SGK1: variants seen among roughly 807,000 people sequenced by gnomAD.
SGK1 encodes serum/glucocorticoid regulated kinase 1.
SGK1 carries 26 observed loss-of-function variants against 64.2 expected under a neutral mutation model. That is an observed-to-expected ratio of 0.40 (90% CI 0.30 to 0.56). The LOEUF (loss-of-function observed/expected upper bound fraction) is 0.56. Among genes scored for constraint, SGK1 ranks in the 20% least tolerant of loss-of-function variants. SGK1 has a pLI of 0.38. For missense variants in SGK1, 519 were observed against 645.6 expected, an observed-to-expected ratio of 0.80 and a Z score of 2.12; for synonymous variants, 265 against 239.7, an observed-to-expected ratio of 1.11 and a Z score of -0.98.
intron 3 of SGK1, among the ~76,000 whole-genome samples, chr6:134,195,241 A>G (rs1382195206): frequency 6.6e-6 from 1 of 152,252 alleles, no homozygotes; most frequent in Non-Finnish European, 1.5e-5. Context: ...CTATTGTGAA[A>G]CACTGTTAGT....
At chr6:134,241,634 T>A (rs934583888) in intron 2 of SGK1, among the ~76,000 whole-genome samples, 6 of 152,106 alleles carry the variant, frequency 3.9e-5, no homozygotes, top group African/African-American at 1.4e-4. Context: ...ATTTATTTAT[T>A]TTTTGAGATG....
intron 2 of SGK1, among the ~76,000 whole-genome samples, chr6:134,221,652 A>AT (rs200019836): frequency 3.6e-3 from 523 of 143,648 alleles, no homozygotes; most frequent in African/African-American, 4.3e-3. Flanking sequence ...GGCACATATA[A>AT]TTTTTTTTTT....
chr6:134,229,051 T>C (rs1776236291), intron 2 of SGK1, among the ~76,000 whole-genome samples: 1 of 152,150 alleles, frequency 6.6e-6, no homozygotes, highest in Non-Finnish European at 1.5e-5. Flanking sequence ...CACCGTGGTC[T>C]CGATCTCCTG....
intron 3 of SGK1, among the ~76,000 whole-genome samples, chr6:134,183,763 T>C (rs1249420722): frequency 2.0e-5 from 3 of 152,018 alleles, no homozygotes; most frequent in African/African-American, 7.2e-5. Flanking sequence ...AGAAGGAACT[T>C]CTGGAGGCCC....
chr6:134,247,008 A>AT (rs199615264), intron 2 of SGK1, among the ~76,000 whole-genome samples: 106 of 147,960 alleles, frequency 7.2e-4, no homozygotes, highest in African/African-American at 1.7e-3. Context: ...CCAGTGATTT[A>AT]TTTTTTTTTT....
At chr6:134,257,767 T>A (rs1435083610) in intron 2 of SGK1, among the ~76,000 whole-genome samples, 2 of 152,204 alleles carry the variant, frequency 1.3e-5, no homozygotes, top group East Asian at 3.9e-4. Context: ...CTCCAGCACA[T>A]GCACATCAAT....
At position 134,170,494 on chromosome 6, in the gene SGK1, A is replaced by G. The variant is rs966543347; in HGVS notation, c.1414-59T>C. ...AACTCACACTAGACACAGGACAGGG[A>G]AATCTTGACCAGGCTTTAAATACCA... is the stretch of plus-strand genomic sequence containing the variant. On this transcript the variant is annotated intron_variant, in intron 13 of 13. Transcript: ENST00000367858. 5 of 1,499,056 alleles carry G rather than the reference A, an allele frequency of 3.3e-6. No homozygotes were observed. In the Admixed American group the frequency reaches 8.1e-5, roughly 24 times the overall value. The allele number at this position is 1,499,056 out of a possible 1,614,324, so 92.9% of individuals were successfully genotyped here. A position where few individuals can be genotyped will look rare whatever the true frequency, so the allele number is the denominator to read the frequency against.
At chr6:134,297,382 C>G in intron 1 of SGK1, 2 of 818,666 alleles carry the variant, frequency 2.4e-6, no homozygotes, top group East Asian at 3.0e-5. Flanking sequence ...GCGTTGGCAT[C>G]CTTAACAGCC....
chr6:134,214,934 GA>G (rs1775952984), intron 2 of SGK1: 1 of 388,864 alleles, frequency 2.6e-6, no homozygotes, highest in Non-Finnish European at 5.1e-6. Flanking sequence ...GTAAGTGGAA[GA>G]AAGATCATAT....
intron 1 of SGK1, among the ~76,000 whole-genome samples, chr6:134,308,193 G>A (rs186755477): frequency 6.7e-6 from 1 of 148,590 alleles, no homozygotes; most frequent in African/African-American, 2.6e-5. Context: ...AAGATTCAGA[G>A]TTCAAAGAAA....
At chr6:134,264,886 G>A (rs545058585) in intron 1 of SGK1, among the ~76,000 whole-genome samples, 12 of 152,178 alleles carry the variant, frequency 7.9e-5, no homozygotes, top group South Asian at 4.2e-4. Flanking sequence ...GGCCTTAGGC[G>A]ATCCTCCCAC....
intron 1 of SGK1, among the ~76,000 whole-genome samples, chr6:134,299,897 T>A (rs73545109): frequency 1.2e-4 from 18 of 149,874 alleles, no homozygotes; most frequent in African/African-American, 4.4e-4. Context: ...AAGGTCCAAA[T>A]ACCTCAATTC....
At chr6:134,244,886 C>T (rs1025578146) in intron 2 of SGK1, among the ~76,000 whole-genome samples, 3 of 152,180 alleles carry the variant, frequency 2.0e-5, no homozygotes, top group Non-Finnish European at 4.4e-5. Flanking sequence ...AGTGATTCTC[C>T]TGCCTCAGCC....
intron 1 of SGK1, among the ~76,000 whole-genome samples, chr6:134,282,276 A>G (rs1005029644): frequency 2.0e-5 from 3 of 152,166 alleles, no homozygotes; most frequent in Non-Finnish European, 4.4e-5. Flanking sequence ...TTGACAAACT[A>G]GGAACGCTCT....
chr6:134,305,572 CAA>C (rs11403837), intron 1 of SGK1, among the ~76,000 whole-genome samples: 20 of 118,606 alleles, frequency 1.7e-4, no homozygotes, highest in Non-Finnish European at 1.1e-4. Context: ...GACCCTGTCT[CAA>C]AAAAAAAAAA....
Position 134,214,579 on chromosome 6 carries a change from C to CA in SGK1, c.286-7149dup, listed in dbSNP as rs10580443. Among the ~76,000 whole-genome samples the CA allele has an allele frequency of 3.4e-3, 505 of 146,392 alleles. 3 individuals are homozygous for CA. The highest frequency in any genetic ancestry group is 9.4e-3 in the African/African-American group (371 of 39,430). On this transcript the variant is annotated intron_variant, in intron 2 of 13. Coordinates refer to ENST00000367858, the MANE Select transcript of SGK1 (RefSeq NM_001143676.3). ...TGGGTGACAGAGGGATACGCTGTCT[C>CA]AAAAAAAAAAAAAATTAATGAAAGT...
chr6:134,203,158 A>G (rs145594991), intron 3 of SGK1, among the ~76,000 whole-genome samples: 1 of 152,300 alleles, frequency 6.6e-6, no homozygotes, highest in Non-Finnish European at 1.5e-5. Flanking sequence ...CAGGAGAATT[A>G]CTTGAACCCA....
chr6:134,301,255 G>A (rs1191196785), intron 1 of SGK1, among the ~76,000 whole-genome samples: 1 of 152,146 alleles, frequency 6.6e-6, no homozygotes, highest in East Asian at 1.9e-4. Flanking sequence ...GTGTGTGGAG[G>A]AGGAGGGAGA....
chr6:134,173,306 A>C lies in SGK1; in HGVS notation c.670T>G (p.Leu224Val), dbSNP rs1775092488. 6.2e-7 allele frequency: 1 copy of C among 1,613,908 alleles called. No individual in the cohort carries two copies. The highest frequency in any genetic ancestry group is 1.3e-5 in the African/African-American group (1 of 74,922). ...TTTTTCAGGATTGCTTTCTTCTGTA[A>C]AACTTTGACTGCATAGAACACTTCT... ...AEEVFYAVKVLQKKAILKKKE... is the reference protein window; with the variant it reads ...AEEVFYAVKVVQKKAILKKKE... The change falls in exon 7 of 14, where the codon TTA becomes GTA. Residue 224 changes from leucine to valine, a missense_variant. Leu to Val is a conservative substitution (Grantham distance 32, BLOSUM62 1). Transcript: ENST00000367858.
Sources: gnomAD v4.1 joint callset for allele counts (sites outside exome capture counted in the v4.1 genomes callset) on GRCh38, gnomAD v4.1.1 for gene constraint, MANE v1.5 for transcripts, NCBI Gene and HGNC (gene_info 2026-07-23, HGNC 2026-07-21) for gene names.